Variants in UGGT1 observed in about 807,000 individuals in gnomAD.
The protein encoded by UGGT1 is UDP-glucose:glycoprotein glucosyltransferase 1.
Under a neutral mutation model 203.9 loss-of-function variants are expected in UGGT1, and 107 were observed. The ratio of observed to expected loss-of-function variants is 0.52; its 90% CI spans 0.45 to 0.62. UGGT1 has a LOEUF of 0.62. Ranked by LOEUF, UGGT1 falls within the 20% of genes least tolerant of loss-of-function variation. The pLI, the probability that UGGT1 is intolerant of heterozygous loss-of-function variation, is 0.00. For missense variants in UGGT1, 1,673 were observed against 1,867.2 expected, an observed-to-expected ratio of 0.90 and a Z score of 1.92; for synonymous variants, 628 against 653.5, an observed-to-expected ratio of 0.96 and a Z score of 0.59.
At chr2:128,182,096 G>C in intron 36 of UGGT1, 34 bp from the exon 37 acceptor site, 1 of 1,605,294 alleles carries the variant, frequency 6.2e-7, no homozygotes, top group Non-Finnish European at 8.5e-7. Flanking sequence ...CTGTCTGCAT[G>C]GTTGCTTAAC....
intron 38 of UGGT1, among the ~76,000 whole-genome samples, chr2:128,185,214 T>TC (rs1451248174): frequency 1.3e-5 from 2 of 151,720 alleles, no homozygotes; most frequent in African/African-American, 4.8e-5. Flanking sequence ...TTTTTTTTTT[T>TC]TGGAGATGGA....
At chr2:128,115,026 TA>T in intron 6 of UGGT1, 97 bp from the exon 7 acceptor site, 1 of 995,998 alleles carries the variant, frequency 1.0e-6, no homozygotes, top group Non-Finnish European at 1.5e-6. Flanking sequence ...TAATCCGAGG[TA>T]ATGGCTAGTA....
chr2:128,104,598 A>G (rs1687519215), intron 3 of UGGT1, among the ~76,000 whole-genome samples: 1 of 152,180 alleles, frequency 6.6e-6, no homozygotes, highest in Non-Finnish European at 1.5e-5. Context: ...TGAGTAGTTA[A>G]AACCTTGAAT....
rs1343284693 is a variant in UGGT1, at chr2:128,157,339, A to C, written c.2348A>C (p.Lys783Thr). ...CGGCAGTTACTGTATGATGCCATCA[A>C]ACATCAGGCAAGTATCTATGACTTC... Reference protein sequence around the residue: ...SGRQLLYDAIKHQKSSNNVRI... With the variant: ...SGRQLLYDAITHQKSSNNVRI... The change falls in exon 22 of 41, where the codon AAA (lysine) becomes ACA (threonine). Residue 783 changes from lysine (K) to threonine (T), a missense_variant. By Grantham distance (78) the Lys-to-Thr change is moderately conservative. Around this residue, in one of 4 missense-constraint regions of UGGT1, gnomAD observed 1,073 missense variants for 1,078.7 expected, o/e 0.99. Transcript: ENST00000259253. 6.2e-7 allele frequency: 1 copy of C among 1,613,222 alleles called. No homozygotes were observed. Among genetic ancestry groups the C allele is most frequent in the Non-Finnish European group, 8.5e-7 (1 of 1,179,192 alleles).
chr2:128,154,257 A>G (rs765859992), intron 19 of UGGT1, among the ~76,000 whole-genome samples: 5 of 152,076 alleles, frequency 3.3e-5, no homozygotes, highest in African/African-American at 4.8e-5. Flanking sequence ...CTAAGTGTTT[A>G]TTGTTTTCAT....
At chr2:128,094,820 C>T (rs1687037587) in intron 1 of UGGT1, among the ~76,000 whole-genome samples, 1 of 136,584 alleles carries the variant, frequency 7.3e-6, no homozygotes, top group Admixed American at 8.4e-5. Flanking sequence ...GCGATCTCGA[C>T]TTACTGAAAC....
chr2:128,121,355 C>T, intron 10 of UGGT1, 57 bp downstream of exon 10: 2 of 1,222,134 alleles, frequency 1.6e-6, no homozygotes, highest in Non-Finnish European at 2.3e-6. Context: ...GTCATGTTCA[C>T]TTGCCAAATG....
At chr2:128,165,258 CA>C (rs1690731201) in intron 26 of UGGT1, among the ~76,000 whole-genome samples, 2 of 152,068 alleles carry the variant, frequency 1.3e-5, no homozygotes. Context: ...CCTGTCTCTA[CA>C]AAAAAATTTT....
chr2:128,181,834 A>G (rs1691705622), intron 36 of UGGT1, among the ~76,000 whole-genome samples: 1 of 152,244 alleles, frequency 6.6e-6, no homozygotes, highest in African/African-American at 2.4e-5. Flanking sequence ...TGAGATAGGT[A>G]CTGTCATTAT....
intron 25 of UGGT1, among the ~76,000 whole-genome samples, chr2:128,161,491 T>C (rs564703285): frequency 1.4e-4 from 22 of 152,330 alleles, no homozygotes; most frequent in African/African-American, 5.1e-4. Flanking sequence ...TAGTTCTCTC[T>C]TTTTATTTTT....
chr2:128,135,556 TAAAG>T (rs1183713427), intron 15 of UGGT1, among the ~76,000 whole-genome samples: 1 of 152,202 alleles, frequency 6.6e-6, no homozygotes, highest in African/African-American at 2.4e-5. Flanking sequence ...AATGTGAAAA[TAAAG>T]AAGAAAATAA....
chr2:128,171,564 G>A (rs1691104847), intron 28 of UGGT1, among the ~76,000 whole-genome samples: 1 of 152,158 alleles, frequency 6.6e-6, no homozygotes, highest in Non-Finnish European at 1.5e-5. Context: ...TTGGAGTGCA[G>A]TGGCATGATC....
chr2:128,147,855 G>T (rs953047369), intron 18 of UGGT1, among the ~76,000 whole-genome samples: 2 of 152,170 alleles, frequency 1.3e-5, no homozygotes, highest in African/African-American at 4.8e-5. Context: ...CTGGGCCCAA[G>T]TGATCTTTCC....
rs1269131601 is a variant in UGGT1, at chr2:128,129,272, C to A, written c.1377+93C>A. The A allele has an allele frequency of 6.5e-6, 9 of 1,389,566 alleles. No homozygotes were observed. In the Admixed American group the frequency reaches 2.0e-4, roughly 32 times the overall value. The allele number at this position is 1,389,566 out of a possible 1,614,324, so 86.1% of individuals were successfully genotyped here. On this transcript the variant is annotated intron_variant, in intron 13 of 40. Transcript: ENST00000259253. The stretch of plus-strand genomic sequence containing the variant: ...TCTCTTATGAGGGTGAAGTTACTCC[C>A]ACCATCTCTTTTGTTGGTGTGAAAG...
chr2:128,108,086 A>T lies in UGGT1; in HGVS notation c.408+18A>T. ...TCCAGCAGGTGGGTCCAGTGCTCTT[A>T]AAGAACAGCATTTTAGAGTGTATAT... On this transcript the variant is annotated intron_variant, in intron 4 of 40. Transcript: ENST00000259253. 6.2e-7 allele frequency: 1 copy of T among 1,613,902 alleles called. No individual in the cohort carries two copies. Among genetic ancestry groups the T allele is most frequent in the Non-Finnish European group, 8.5e-7 (1 of 1,179,886 alleles).
intron 21 of UGGT1, 140 bp downstream of exon 21, chr2:128,156,555 ATTTTTTT>A: frequency 2.5e-6 from 1 of 404,754 alleles, no homozygotes; most frequent in Non-Finnish European, 4.2e-6. Flanking sequence ...AATGTAGATA[ATTTTTTT>A]TTTTTTTTTT....
rs771386160 is a variant in UGGT1, at chr2:128,179,735, G to A, written c.3816-51G>A. ...CGTGATTGACTCTACATAATGTTGA[G>A]GTTAAATAACATTGGAAAGCTGTTA... is the stretch of plus-strand genomic sequence containing the variant. On this transcript the variant is annotated intron_variant, in intron 34 of 40. Coordinates refer to ENST00000259253, the MANE Select transcript of UGGT1 (RefSeq NM_020120.4). 12 of 1,481,744 alleles carry A rather than the reference G, an allele frequency of 8.1e-6. No individual in the cohort carries two copies. In the South Asian group the frequency reaches 1.2e-4, roughly 14 times the overall value. 91.8% of individuals were successfully genotyped at this position (1,481,744 alleles called of 1,614,324 possible).
At position 128,152,838 on chromosome 2, in the gene UGGT1, G is replaced by C; in HGVS notation, c.2071G>C (p.Val691Leu). 1 of 1,613,768 alleles carries C rather than the reference G, an allele frequency of 6.2e-7. No homozygotes were observed. ...AGAGTATATCATGAATCAGCCAAAT[G>C]TTGTTCCACGAATCAATTCTAGGAT... ...VVEYIMNQPN[V>L]VPRINSRILT... Residue 691 changes from valine to leucine, a missense_variant, in exon 19 of 41, where the codon GTT becomes CTT. By Grantham distance (32) the Val-to-Leu change is conservative. Coordinates refer to ENST00000259253, the MANE Select transcript of UGGT1 (RefSeq NM_020120.4).
chr2:128,123,162 C>T (rs1294004740), intron 10 of UGGT1, 24 bp from the exon 11 acceptor site: 2 of 1,597,738 alleles, frequency 1.3e-6, no homozygotes, highest in Admixed American at 1.7e-5. Context: ...AAGCCAAGCA[C>T]TCATAATGTT....
Sources: gnomAD v4.1 joint callset for allele counts (sites outside exome capture counted in the v4.1 genomes callset) on GRCh38, gnomAD v4.1.1 for gene constraint, gnomAD v4.1.1 regional missense constraint, MANE v1.5 for transcripts, NCBI Gene and HGNC (gene_info 2026-07-23, HGNC 2026-07-21) for gene names.